SLC39A6: variants seen among roughly 807,000 people sequenced by gnomAD.
The protein encoded by SLC39A6 is solute carrier family 39 member 6.
In SLC39A6, 51 loss-of-function variants were observed where a neutral mutation model predicts 63.5. That is an observed-to-expected ratio of 0.80 (90% confidence interval 0.64 to 1.01). The LOEUF is 1.01. Among genes scored for constraint, SLC39A6 ranks in the 50% least tolerant of loss-of-function variants. SLC39A6 has a pLI of 0.00. For synonymous variants in SLC39A6, 318 were observed against 324.7 expected (o/e 0.98, Z 0.22); for missense variants, 805 against 927.8 (o/e 0.87, Z 1.72).
intron 5 of SLC39A6, 140 bp downstream of exon 5, chr18:36,121,912 C>A: frequency 1.6e-6 from 1 of 618,066 alleles, no homozygotes; most frequent in Non-Finnish European, 2.8e-6. Flanking sequence ...TCTCTGGGAC[C>A]AAAAAGTACT....
chr18:36,109,350 CTT>C lies in SLC39A6; in HGVS notation c.*241_*242del, dbSNP rs974001505. 16 of 306,454 alleles carry C rather than the reference CTT, an allele frequency of 5.2e-5. No homozygotes were observed. The highest frequency in any genetic ancestry group is 2.2e-4 in the African/African-American group (10 of 46,180). 19.0% of individuals were successfully genotyped at this position (306,454 alleles called of 1,614,324 possible). A position where few individuals can be genotyped will look rare whatever the true frequency, so the allele number is the denominator to read the frequency against. Reference sequence around the variant, plus strand: ...ATACAGAACATGTCATGCCAAATCTCTTGTTTACATAATAAACTGGTAATACC... The same window carrying C: ...ATACAGAACATGTCATGCCAAATCTCGTTTACATAATAAACTGGTAATACC... On this transcript the variant is annotated 3_prime_UTR_variant, in exon 10 of 10. Transcript: ENST00000269187.
In SLC39A6 at chr18:36,122,484, C is replaced by T. The variant is rs142159005; in HGVS notation, c.1141-214G>A. ...CATGTCATGTACTTCAGATACATTC[C>T]CAGTGACCCCCATAATATATAAATA... On this transcript the variant is annotated intron_variant, in intron 4 of 9. Coordinates refer to ENST00000269187, the MANE Select transcript of SLC39A6 (RefSeq NM_012319.4). 2.5e-3 allele frequency among the ~76,000 whole-genome samples: 387 copies of T among 152,254 alleles called. 1 individual carries two copies. The highest frequency in any genetic ancestry group is 8.6e-3 in the African/African-American group (357 of 41,542).
Position 36,126,522 on chromosome 18 carries a change from CT to C in SLC39A6, c.485del (p.Gln162ArgfsTer26). The C allele has an allele frequency of 1.2e-6, 2 of 1,614,218 alleles. No individual in the cohort carries two copies. Among genetic ancestry groups the C allele is most frequent in the Non-Finnish European group, 1.7e-6 (2 of 1,180,034 alleles). ...DSSGKDPRNS[Q>X]GKGAHRPEHA... ...GTTCTGGTCGGTGAGCTCCTTTCCCCTGGCTGTTTCTAGGATCTTTACCTGA... is the reference window on the plus strand; with the variant it reads ...GTTCTGGTCGGTGAGCTCCTTTCCCCGGCTGTTTCTAGGATCTTTACCTGA... On this transcript the variant is annotated frameshift_variant, in exon 2 of 10. Transcript: ENST00000269187. LOFTEE classifies it high-confidence loss of function.
At chr18:36,112,790 G>C (rs2089310922) in intron 7 of SLC39A6, among the ~76,000 whole-genome samples, 1 of 152,220 alleles carries the variant, frequency 6.6e-6, no homozygotes, top group African/African-American at 2.4e-5. Context: ...GGGCATGAAA[G>C]AGAAGGGAAG....
chr18:36,127,228 G>GAA (rs2144514649), intron 1 of SLC39A6, among the ~76,000 whole-genome samples: 1 of 152,348 alleles, frequency 6.6e-6, no homozygotes, highest in South Asian at 2.1e-4. Context: ...AACAACTGGA[G>GAA]AAGAGCTGAG....
In SLC39A6 at chr18:36,109,573, C is replaced by T; in HGVS notation, c.*20G>A. The T allele has an allele frequency of 6.3e-7, 1 of 1,587,502 alleles. No individual in the cohort carries two copies. Among genetic ancestry groups the T allele is most frequent in the Non-Finnish European group, 8.6e-7 (1 of 1,158,318 alleles). On this transcript the variant is annotated 3_prime_UTR_variant, in exon 10 of 10. Coordinates refer to ENST00000269187, the MANE Select transcript of SLC39A6 (RefSeq NM_012319.4). ...GAAACTATGACAACTTTTTAAGCTA[C>T]TCTAGCATTTAAACCTTAACTAGAA...
rs61741419 is a variant in SLC39A6 at position 36,122,061 on chromosome 18, C to T, written c.1350G>A (p.Lys450=). The T allele has an allele frequency of 0.012, 19,170 of 1,606,132 alleles. 181 individuals are homozygous for T. Among genetic ancestry groups the T allele is most frequent in the Middle Eastern group, 0.018 (108 of 6,022 alleles). ...VLTLIKQFKD[K]KKKNQKKPEN... Reference sequence around the variant, plus strand: ...GTATACTTTTTCTTACCTTTTTCTTCTTATCTTTAAATTGTTTGATCAATG... The same window carrying T: ...GTATACTTTTTCTTACCTTTTTCTTTTTATCTTTAAATTGTTTGATCAATG... The change falls in exon 5 of 10, where the codon AAG becomes AAA. Residue 450 remains lysine, a synonymous_variant. Transcript: ENST00000269187.
intron 4 of SLC39A6, among the ~76,000 whole-genome samples, chr18:36,122,956 T>TA (rs1567960514): frequency 6.6e-6 from 1 of 152,262 alleles, no homozygotes; most frequent in African/African-American, 2.4e-5. Context: ...TTTTCCCACA[T>TA]ACTTGAAAAC....
intron 8 of SLC39A6, among the ~76,000 whole-genome samples, chr18:36,111,486 TTTTTTTC>T (rs1293995632): frequency 1.6e-5 from 2 of 121,954 alleles, no homozygotes; most frequent in Non-Finnish European, 3.7e-5. Context: ...AAACTTTTTT[TTTTTTTC>T]TTTTTTTTGA....
In SLC39A6 at chr18:36,112,542, GT is replaced by G; in HGVS notation, c.1882del (p.Thr628LeufsTer14). On this transcript the variant is annotated frameshift_variant, in exon 8 of 10. Transcript: ENST00000269187. LOFTEE classifies it high-confidence loss of function. ...FTEGLSSGLS[T>X]SVAVFCHELP... is the part of the protein sequence containing the mutation. Reference sequence around the variant, plus strand: ...CTCATGACAGAACACAGCAACAGAAGTACTTAAACCACTTGATAAGCCTTCA... The same window carrying G: ...CTCATGACAGAACACAGCAACAGAAGACTTAAACCACTTGATAAGCCTTCA... The G allele has an allele frequency of 6.2e-7, 1 of 1,613,680 alleles. No homozygotes were observed. The highest frequency in any genetic ancestry group is 1.1e-5 in the South Asian group (1 of 91,026).
chr18:36,123,495 A>G lies in SLC39A6; in HGVS notation c.1140T>C (p.His380=). The change falls in exon 4 of 10, where the codon CAT becomes CAC. Residue 380 remains histidine, a splice_region_variant and synonymous_variant. Transcript: ENST00000269187. ...SGDAFLHLLP[H]SHASHHHSHS... is the part of the protein sequence containing the mutation. ...TAACAGGACAAATTACTATACTTAC[A>G]TGTGGAAGAAGGTGTAAAAAAGCAT... The G allele has an allele frequency of 1.9e-6, 3 of 1,607,070 alleles. No individual in the cohort carries two copies. The highest frequency in any genetic ancestry group is 2.5e-6 in the Non-Finnish European group (3 of 1,177,980).
chr18:36,112,355 TC>T, intron 8 of SLC39A6, 145 bp downstream of exon 8: 1 of 652,672 alleles, frequency 1.5e-6, no homozygotes. Flanking sequence ...ATGAAGATGA[TC>T]CCTGATGTCA....
chr18:36,126,274 C>T lies in SLC39A6; in HGVS notation c.734G>A (p.Ser245Asn). Residue 245 changes from serine to asparagine, a missense_variant, in exon 2 of 10, where the codon AGT (serine) becomes AAT (asparagine). By Grantham distance (46) the Ser-to-Asn change is conservative (BLOSUM62 1). This residue lies in a region of SLC39A6 where 639 missense variants were observed against 644.0 expected (regional missense o/e 0.99). Coordinates refer to ENST00000269187, the MANE Select transcript of SLC39A6 (RefSeq NM_012319.4). The stretch of plus-strand genomic sequence containing the variant: ...ATACATAAAGCCTTTTCGGGGCTCA[C>T]TCACAGATTCATTTGTTTTCCTACC... ...LAGRKTNESV[S>N]EPRKGFMYSR... The T allele has an allele frequency of 6.2e-7, 1 of 1,614,264 alleles. No homozygotes were observed. Among genetic ancestry groups the T allele is most frequent in the Non-Finnish European group, 8.5e-7 (1 of 1,180,048 alleles).
rs1364048623 is a variant in SLC39A6, at chr18:36,126,718, T to A, written c.290A>T (p.Asp97Val). 1 of 1,613,936 alleles carries A rather than the reference T, an allele frequency of 6.2e-7. No individual in the cohort carries two copies. The highest frequency in any genetic ancestry group is 1.1e-5 in the South Asian group (1 of 91,066). Residue 97 changes from aspartate (D) to valine (V), a missense_variant, in exon 2 of 10, where the codon GAC (aspartate) becomes GTC (valine). Transcript: ENST00000269187. Reference protein sequence around the residue: ...IKRIHIHHDHDHHSDHEHHSD... With the variant: ...IKRIHIHHDHVHHSDHEHHSD... The stretch of plus-strand genomic sequence containing the variant: ...GTGATGCTCGTGGTCTGAGTGATGG[T>A]CGTGGTCATGGTGTATATGGATTCT...
intron 8 of SLC39A6, 54 bp downstream of exon 8, chr18:36,112,447 T>G (rs1439573352): frequency 5.6e-5 from 73 of 1,310,590 alleles, no homozygotes; most frequent in Admixed American, 4.0e-4. Flanking sequence ...CAAAAGCCAG[T>G]GACACTAGAA....
chr18:36,109,488 AC>A lies in SLC39A6; in HGVS notation c.*104del, dbSNP rs762715154. Reference sequence around the variant, plus strand: ...CAATATTCAATACAAAAATCACAAAACCCACTAACTTTAAACGCTGCATAGT... The same window carrying A: ...CAATATTCAATACAAAAATCACAAAACCACTAACTTTAAACGCTGCATAGT... On this transcript the variant is annotated 3_prime_UTR_variant, in exon 10 of 10. Transcript: ENST00000269187. 6 of 812,944 alleles carry A rather than the reference AC, an allele frequency of 7.4e-6. No individual in the cohort carries two copies. Among genetic ancestry groups the A allele is most frequent in the Non-Finnish European group, 1.1e-5 (6 of 530,438 alleles). 50.4% of individuals were successfully genotyped at this position (812,944 alleles called of 1,614,324 possible).
At chr18:36,119,934 A>C (rs1358000996) in intron 5 of SLC39A6, among the ~76,000 whole-genome samples, 4 of 152,172 alleles carry the variant, frequency 2.6e-5, no homozygotes, top group African/African-American at 4.8e-5. Context: ...AGCTGTATTT[A>C]GGTAAAATTT....
At chr18:36,109,964 G>A (rs1464622763) in intron 9 of SLC39A6, among the ~76,000 whole-genome samples, 1 of 152,052 alleles carries the variant, frequency 6.6e-6, no homozygotes, top group Non-Finnish European at 1.5e-5. Flanking sequence ...TGATGTTCTG[G>A]GCAAGAAAAA....
chr18:36,128,789 G>T (rs1319599834), intron 1 of SLC39A6, among the ~76,000 whole-genome samples: 1 of 152,152 alleles, frequency 6.6e-6, no homozygotes, highest in African/African-American at 2.4e-5. Context: ...ACAGAAAACG[G>T]AAAAGAGGGC....
Sources: gnomAD v4.1 joint callset for allele counts (sites outside exome capture counted in the v4.1 genomes callset) on GRCh38, gnomAD v4.1.1 for gene constraint, gnomAD v4.1.1 regional missense constraint, MANE v1.5 for transcripts, NCBI Gene and HGNC (gene_info 2026-07-23, HGNC 2026-07-21) for gene names.